The following PCLO variants were observed in gnomAD, a reference collection of about 807,000 sequenced individuals.
PCLO encodes piccolo presynaptic cytomatrix protein, also known as protein piccolo.
In PCLO, 82 loss-of-function variants were observed where a neutral mutation model predicts 427.5. The ratio of observed to expected loss-of-function variants is 0.19; its 90% confidence interval spans 0.16 to 0.23. The LOEUF (loss-of-function observed/expected upper bound fraction) is 0.23, where lower values mean the gene tolerates loss of function less well. Among genes scored for constraint, PCLO ranks in the 10% least tolerant of loss-of-function variants. The pLI is 1.00. For missense variants in PCLO, 6,239 were observed against 6,115.9 expected, an observed-to-expected ratio of 1.02 and a Z score of -0.67; for synonymous variants, 2,357 against 2,155.4, an observed-to-expected ratio of 1.09 and a Z score of -2.59.
chr7:82,764,200 G>C (rs1413756583), intron 22 of PCLO, among the ~76,000 whole-genome samples: 3 of 151,830 alleles, frequency 2.0e-5, no homozygotes. Flanking sequence ...TTTTTGTATA[G>C]GTAATAGGTA....
intron 9 of PCLO, among the ~76,000 whole-genome samples, chr7:82,886,235 T>C (rs1182439026): frequency 6.6e-6 from 1 of 152,194 alleles, no homozygotes; most frequent in Non-Finnish European, 1.5e-5. Flanking sequence ...GTCAGTATAA[T>C]CTCCATTTCT....
intron 3 of PCLO, among the ~76,000 whole-genome samples, chr7:83,090,103 G>C (rs1419499465): frequency 6.6e-6 from 1 of 152,122 alleles, no homozygotes; most frequent in Non-Finnish European, 1.5e-5. Context: ...AAGAGATCGA[G>C]ACCATCCTGG....
intron 10 of PCLO, among the ~76,000 whole-genome samples, chr7:82,868,403 C>T (rs1302971762): frequency 6.6e-6 from 1 of 152,162 alleles, no homozygotes; most frequent in Non-Finnish European, 1.5e-5. Context: ...TAATTTCATC[C>T]TTACTTCAAT....
At chr7:82,960,221 T>C (rs1234250036) in intron 4 of PCLO, among the ~76,000 whole-genome samples, 1 of 152,230 alleles carries the variant, frequency 6.6e-6, no homozygotes, top group Non-Finnish European at 1.5e-5. Context: ...TTCAATAATT[T>C]ACATAAAGTT....
At chr7:83,078,388 A>C (rs1429600151) in intron 3 of PCLO, among the ~76,000 whole-genome samples, 1 of 152,070 alleles carries the variant, frequency 6.6e-6, no homozygotes. Flanking sequence ...TTTTGAACAG[A>C]AATTGTGAAG....
At position 82,954,346 on chromosome 7, in the gene PCLO, G is replaced by C. The variant is rs1421437943; in HGVS notation, c.6607C>G (p.Leu2203Val). 6.2e-7 allele frequency: 1 copy of C among 1,613,710 alleles called. No individual in the cohort carries two copies. Among genetic ancestry groups the C allele is most frequent in the Non-Finnish European group, 8.5e-7 (1 of 1,179,788 alleles). ...TTDSSSPITTLDSITTVYTEP... is the reference protein window; with the variant it reads ...TTDSSSPITTVDSITTVYTEP... ...GTATAAACTGTGGTTATGCTATCCA[G>C]GGTAGTAATGGGTGAAGAGCTATCT... The change falls in exon 5 of 25, where the codon CTG becomes GTG. Residue 2203 changes from leucine (L) to valine (V), a missense_variant. Leu to Val is a conservative substitution (Grantham distance 32). This residue lies in a region of PCLO where 4,677 missense variants were observed against 4,468.4 expected (regional missense o/e 1.05). Transcript: ENST00000333891.
At chr7:82,805,877 A>C in intron 20 of PCLO, 48 bp from the exon 21 acceptor site, 1 of 1,533,962 alleles carries the variant, frequency 6.5e-7, no homozygotes, top group Non-Finnish European at 8.9e-7. Flanking sequence ...AATGAAGCTG[A>C]CATTGATCTA....
chr7:83,012,312 G>T (rs1038984655), intron 3 of PCLO, among the ~76,000 whole-genome samples: 1 of 151,996 alleles, frequency 6.6e-6, no homozygotes, highest in Non-Finnish European at 1.5e-5. Context: ...AGAGTTGACT[G>T]ATAATTGTTT....
At chr7:83,010,279 T>C (rs1195520441) in intron 3 of PCLO, among the ~76,000 whole-genome samples, 1 of 151,936 alleles carries the variant, frequency 6.6e-6, no homozygotes, top group African/African-American at 2.4e-5. Context: ...ATGTCCCCAG[T>C]TGAATATTTT....
intron 22 of PCLO, among the ~76,000 whole-genome samples, chr7:82,769,484 T>C (rs1343433399): frequency 6.6e-6 from 1 of 152,146 alleles, no homozygotes; most frequent in Non-Finnish European, 1.5e-5. Context: ...TAACTGGACA[T>C]AGTATAAAGT....
Position 82,956,916 on chromosome 7 carries a change from G to A in PCLO, c.4037C>T (p.Ser1346Leu). 1 of 1,602,098 alleles carries A rather than the reference G, an allele frequency of 6.2e-7. No individual in the cohort carries two copies. The highest frequency in any genetic ancestry group is 8.5e-7 in the Non-Finnish European group (1 of 1,174,954). ...KEKTEKEDDK[S>L]DTSSSQQPKS... Reference sequence around the variant, plus strand: ...AGGCTGCTGAGAACTTGAGGTGTCTGATTTGTCATCTTCCTTTTCCTAAGC... The same window carrying A: ...AGGCTGCTGAGAACTTGAGGTGTCTAATTTGTCATCTTCCTTTTCCTAAGC... The change falls in exon 5 of 25, where the codon TCA becomes TTA. Residue 1346 changes from serine to leucine, a missense_variant. By Grantham distance (145) the Ser-to-Leu change is moderately radical. Transcript: ENST00000333891.
intron 2 of PCLO, among the ~76,000 whole-genome samples, chr7:83,144,902 T>C (rs1351869715): frequency 6.6e-6 from 1 of 152,212 alleles, no homozygotes; most frequent in East Asian, 1.9e-4. Context: ...ATAAGAGTTG[T>C]TTTAAGTATT....
chr7:82,860,050 A>T (rs1047845529), intron 10 of PCLO, among the ~76,000 whole-genome samples: 2 of 152,224 alleles, frequency 1.3e-5, no homozygotes, highest in African/African-American at 2.4e-5. Context: ...AGAGAATTTT[A>T]AAAATAAAGC....
chr7:82,848,307 T>G (rs925487777), intron 10 of PCLO, among the ~76,000 whole-genome samples: 6 of 121,634 alleles, frequency 4.9e-5, no homozygotes, highest in African/African-American at 1.2e-4. Flanking sequence ...TTAGTTAGTT[T>G]TTTTTTTTTT....
At chr7:82,783,576 C>T (rs1041096561) in intron 22 of PCLO, among the ~76,000 whole-genome samples, 1 of 151,964 alleles carries the variant, frequency 6.6e-6, no homozygotes, top group South Asian at 2.1e-4. Flanking sequence ...GAGCTGAGAT[C>T]GCACCACTGA....
At chr7:82,779,744 T>TTC (rs1426153355) in intron 22 of PCLO, among the ~76,000 whole-genome samples, 2 of 93,956 alleles carry the variant, frequency 2.1e-5, no homozygotes, top group South Asian at 8.4e-4. Flanking sequence ...CTTTCTTTCT[T>TTC]TCTTTTTTTT....
At position 83,146,659 on chromosome 7, in the gene PCLO, C is replaced by T. The variant is rs141763419; in HGVS notation, c.1893+8089G>A. Among the ~76,000 whole-genome samples, 53 of 151,194 alleles carry T rather than the reference C, an allele frequency of 3.5e-4. No homozygotes were observed. In the East Asian group the frequency reaches 8.0e-3, roughly 23 times the overall value. On this transcript the variant is annotated intron_variant, in intron 2 of 24. Transcript: ENST00000333891. ...TCACCCAGGGTGGAGTGCAGTGGCACGACCTAGGCTCACTGCAACCTCTGC... is the reference window on the plus strand; with the variant it reads ...TCACCCAGGGTGGAGTGCAGTGGCATGACCTAGGCTCACTGCAACCTCTGC...
At chr7:82,998,981 T>A in intron 3 of PCLO, among the ~76,000 whole-genome samples, 1 of 150,782 alleles carries the variant, frequency 6.6e-6, no homozygotes. Context: ...TAAATGAAAA[T>A]ATTAAGAAAA....
intron 2 of PCLO, among the ~76,000 whole-genome samples, chr7:83,145,464 C>G (rs1584084324): frequency 6.6e-6 from 1 of 152,078 alleles, no homozygotes; most frequent in Non-Finnish European, 1.5e-5. Context: ...TATGGTGAAT[C>G]AAGTAATCCA....
Sources: gnomAD v4.1 joint callset for allele counts (sites outside exome capture counted in the v4.1 genomes callset) on GRCh38, gnomAD v4.1.1 for gene constraint, gnomAD v4.1.1 regional missense constraint, MANE v1.5 for transcripts, NCBI Gene and HGNC (gene_info 2026-07-23, HGNC 2026-07-21) for gene names.